SLCO1A2: variants seen among roughly 807,000 people sequenced by gnomAD.
The protein encoded by SLCO1A2 is OATP-1.
In SLCO1A2, 67 loss-of-function variants were observed where a neutral mutation model predicts 69.0. The ratio of observed to expected loss-of-function variants is 0.97; its 90% confidence interval spans 0.80 to 1.19. SLCO1A2 has a LOEUF of 1.19. Among genes scored for constraint, SLCO1A2 ranks in the 50% most tolerant of loss-of-function variants. The pLI is 0.00. For synonymous variants in SLCO1A2, 260 were observed against 265.9 expected (o/e 0.98, Z 0.22); for missense variants, 787 against 793.7 (o/e 0.99, Z 0.10).
intron 1 of SLCO1A2, among the ~76,000 whole-genome samples, chr12:21,404,203 G>A (rs1461368521): frequency 6.6e-6 from 1 of 152,062 alleles, no homozygotes; most frequent in African/African-American, 2.4e-5. Flanking sequence ...AATTTGTAAT[G>A]GAGTGGATAA....
intron 1 of SLCO1A2, among the ~76,000 whole-genome samples, chr12:21,411,645 T>C (rs532381744): frequency 2.5e-4 from 38 of 152,206 alleles, no homozygotes; most frequent in African/African-American, 6.5e-4. Context: ...GTTACTTACA[T>C]TGAAGCTACA....
At chr12:21,304,374 C>A (rs1027007440) in intron 6 of SLCO1A2, 53 bp downstream of exon 6, 2 of 1,405,742 alleles carry the variant, frequency 1.4e-6, no homozygotes, top group African/African-American at 1.4e-5. Flanking sequence ...TAATTTCTAA[C>A]CTCAAGGAAC....
chr12:21,304,292 T>C (rs1949079427), intron 6 of SLCO1A2, 135 bp downstream of exon 6: 1 of 671,986 alleles, frequency 1.5e-6, no homozygotes, highest in African/African-American at 1.8e-5. Flanking sequence ...CAACAAACTT[T>C]TATGGAAGGC....
intron 3 of SLCO1A2, among the ~76,000 whole-genome samples, chr12:21,315,838 T>C (rs1950801151): frequency 6.6e-6 from 1 of 152,180 alleles, no homozygotes. Context: ...AGGAAGAACT[T>C]TCCTTCTTCA....
chr12:21,418,587 A>AC (rs980075790), upstream of SLCO1A2, among the ~76,000 whole-genome samples: 4 of 152,016 alleles, frequency 2.6e-5, no homozygotes, highest in Middle Eastern at 3.2e-3. Flanking sequence ...GAAAGGGAAA[A>AC]CCCCTTATAA....
intron 2 of SLCO1A2, among the ~76,000 whole-genome samples, chr12:21,323,594 A>C (rs1035724609): frequency 2.6e-5 from 4 of 152,096 alleles, no homozygotes; most frequent in African/African-American, 9.7e-5. Flanking sequence ...AATAAATGAA[A>C]ATAAACTTTA....
upstream of SLCO1A2, among the ~76,000 whole-genome samples, chr12:21,398,866 G>T (rs1468802194): frequency 1.3e-5 from 2 of 148,424 alleles, no homozygotes; most frequent in African/African-American, 5.0e-5. Flanking sequence ...GTATTGATGG[G>T]ATGTATTTCA....
intron 1 of SLCO1A2, among the ~76,000 whole-genome samples, chr12:21,384,458 C>T (rs1275069521): frequency 1.3e-5 from 2 of 152,288 alleles, no homozygotes; most frequent in East Asian, 3.9e-4. Context: ...CACCACTTCT[C>T]TGTGGGAACA....
upstream of SLCO1A2, among the ~76,000 whole-genome samples, chr12:21,400,288 A>T (rs1941644671): frequency 6.6e-6 from 1 of 152,174 alleles, no homozygotes; most frequent in African/African-American, 2.4e-5. Flanking sequence ...GCTCATCATC[A>T]CTGGCCATCA....
At chr12:21,406,512 G>T (rs1277607802) in intron 1 of SLCO1A2, among the ~76,000 whole-genome samples, 2 of 152,192 alleles carry the variant, frequency 1.3e-5, no homozygotes, top group Admixed American at 1.3e-4. Context: ...CAAGCGGCAG[G>T]ATTGTTTTCT....
chr12:21,299,770 G>GTGTATATA (rs781710145), intron 8 of SLCO1A2, among the ~76,000 whole-genome samples: 16 of 129,716 alleles, frequency 1.2e-4, no homozygotes, highest in African/African-American at 4.5e-4. Context: ...ATATACGTGT[G>GTGTATATA]TATATATATA....
chr12:21,371,677 T>A (rs1402655503), intron 2 of SLCO1A2, among the ~76,000 whole-genome samples: 1 of 152,186 alleles, frequency 6.6e-6, no homozygotes, highest in African/African-American at 2.4e-5. Flanking sequence ...GTTGTTCTAT[T>A]AATAACTAAG....
At chr12:21,277,822 G>C (rs150159344) in intron 12 of SLCO1A2, among the ~76,000 whole-genome samples, 1 of 152,272 alleles carries the variant, frequency 6.6e-6, no homozygotes, top group East Asian at 1.9e-4. Flanking sequence ...AACTCAGGGG[G>C]TAATGCTCGC....
intron 1 of SLCO1A2, among the ~76,000 whole-genome samples, chr12:21,382,588 G>C (rs1398051656): frequency 6.6e-6 from 1 of 152,022 alleles, no homozygotes; most frequent in Non-Finnish European, 1.5e-5. Context: ...ACAAGGTCAG[G>C]AGTTCAAGAC....
At chr12:21,359,648 G>A (rs931704956) in intron 2 of SLCO1A2, among the ~76,000 whole-genome samples, 1 of 151,946 alleles carries the variant, frequency 6.6e-6, no homozygotes, top group Non-Finnish European at 1.5e-5. Context: ...TCGGGAGGCT[G>A]AGGCAGGAGA....
chr12:21,394,540 T>C (rs912350755), intron 1 of SLCO1A2, among the ~76,000 whole-genome samples: 1 of 129,226 alleles, frequency 7.7e-6, no homozygotes, highest in African/African-American at 3.0e-5. Context: ...AGACACTGTC[T>C]CAAAAATAAC....
At chr12:21,313,449 A>G (rs1306612191) in intron 4 of SLCO1A2, among the ~76,000 whole-genome samples, 1 of 152,242 alleles carries the variant, frequency 6.6e-6, no homozygotes, top group Non-Finnish European at 1.5e-5. Context: ...CAGGTGGCTC[A>G]TGCCTGTAAT....
intron 1 of SLCO1A2, among the ~76,000 whole-genome samples, chr12:21,411,548 C>T (rs1262488269): frequency 6.6e-6 from 1 of 152,210 alleles, no homozygotes; most frequent in African/African-American, 2.4e-5. Context: ...CAATCCACCC[C>T]TCACAGACTT....
chr12:21,392,018 A>T (rs760894725), intron 1 of SLCO1A2, among the ~76,000 whole-genome samples: 33 of 152,162 alleles, frequency 2.2e-4, no homozygotes, highest in Non-Finnish European at 4.7e-4. Flanking sequence ...GAGTTAATGA[A>T]GGAAGAAATG....
Sources: gnomAD v4.1 joint callset for allele counts (sites outside exome capture counted in the v4.1 genomes callset) on GRCh38, gnomAD v4.1.1 for gene constraint, MANE v1.5 for transcripts, NCBI Gene and HGNC (gene_info 2026-07-23, HGNC 2026-07-21) for gene names.